Variants in RPTOR observed in about 807,000 individuals in gnomAD.
The protein encoded by RPTOR is regulatory-associated protein of mTOR.
Under a neutral mutation model 169.9 loss-of-function variants are expected in RPTOR, and 21 were observed. That is an observed-to-expected ratio of 0.12 (90% CI 0.09 to 0.18). The LOEUF (loss-of-function observed/expected upper bound fraction) is 0.18. Among genes scored for constraint, RPTOR ranks in the 10% least tolerant of loss-of-function variants. The pLI, the probability that RPTOR is intolerant of heterozygous loss-of-function variation, is 1.00. For missense variants in RPTOR, 1,133 were observed against 1,855.9 expected (o/e 0.61, Z 7.16); for synonymous variants, 732 against 753.2 (o/e 0.97, Z 0.46).
chr17:80,783,032 T>C (rs2066957280), intron 6 of RPTOR, among the ~76,000 whole-genome samples: 1 of 152,216 alleles, frequency 6.6e-6, no homozygotes, highest in South Asian at 2.1e-4. Flanking sequence ...TGGTTGATGC[T>C]CATAAGCGTT....
chr17:80,961,464 C>T lies in RPTOR; in HGVS notation c.3676C>T (p.His1226Tyr). The stretch of plus-strand genomic sequence containing the variant: ...CTCCCTGCAGAAGCGTCCCGACGGC[C>T]ACATCGTGAGTGTGAGGTGAGGAGC... ...KASLQKRPDGHIVSVSVNGDV... is the reference protein window; with the variant it reads ...KASLQKRPDGYIVSVSVNGDV... Residue 1226 changes from histidine (H) to tyrosine (Y), a missense_variant, in exon 31 of 34, where the codon CAC (histidine) becomes TAC (tyrosine). By Grantham distance (83) the His-to-Tyr change is moderately conservative (BLOSUM62 2). Coordinates refer to ENST00000306801, the MANE Select transcript of RPTOR (RefSeq NM_020761.3). 1 of 1,550,936 alleles carries T rather than the reference C, an allele frequency of 6.4e-7. No homozygotes were observed. The highest frequency in any genetic ancestry group is 8.7e-7 in the Non-Finnish European group (1 of 1,147,402).
intron 24 of RPTOR, 192 bp from the exon 25 acceptor site, chr17:80,940,304 G>T (rs1447405513): frequency 7.6e-6 from 4 of 526,258 alleles, no homozygotes; most frequent in Non-Finnish European, 1.3e-5. Flanking sequence ...GGTATGGCGG[G>T]CAAGCTAGCG....
At chr17:80,610,972 C>T (rs924174931) in intron 1 of RPTOR, among the ~76,000 whole-genome samples, 1 of 152,150 alleles carries the variant, frequency 6.6e-6, no homozygotes, top group African/African-American at 2.4e-5. Context: ...TCGATCTTGT[C>T]CTTTCTTGGA....
chr17:80,636,426 C>T (rs565968012), intron 2 of RPTOR, among the ~76,000 whole-genome samples: 1 of 152,262 alleles, frequency 6.6e-6, no homozygotes, highest in East Asian at 1.9e-4. Context: ...TCACGCAGTT[C>T]TGGAGGCTGA....
At chr17:80,780,920 A>G (rs139276102) in intron 6 of RPTOR, among the ~76,000 whole-genome samples, 5 of 152,314 alleles carry the variant, frequency 3.3e-5, no homozygotes, top group South Asian at 2.1e-4. Context: ...TGTCAGGGGT[A>G]CACACTTGTG....
intron 3 of RPTOR, among the ~76,000 whole-genome samples, chr17:80,703,933 A>G (rs564966082): frequency 3.9e-4 from 60 of 152,368 alleles, no homozygotes; most frequent in African/African-American, 1.3e-3. Flanking sequence ...TGATTCAGAG[A>G]AAAACCTAAA....
At chr17:80,775,301 C>T (rs992884931) in intron 6 of RPTOR, among the ~76,000 whole-genome samples, 9 of 152,254 alleles carry the variant, frequency 5.9e-5, no homozygotes, top group Non-Finnish European at 1.2e-4. Context: ...GAACAGGTAG[C>T]GGTCTTGTTA....
At chr17:80,835,864 A>T (rs1388704724) in intron 9 of RPTOR, among the ~76,000 whole-genome samples, 1 of 152,184 alleles carries the variant, frequency 6.6e-6, no homozygotes, top group African/African-American at 2.4e-5. Context: ...GTATCCGCGG[A>T]GATCAAGACT....
chr17:80,554,017 C>T (rs2084376653), intron 1 of RPTOR, among the ~76,000 whole-genome samples: 1 of 152,142 alleles, frequency 6.6e-6, no homozygotes, highest in Non-Finnish European at 1.5e-5. Flanking sequence ...GCTGGGATTA[C>T]AGGGGTCAGC....
At chr17:80,962,067 C>T (rs376400628) in intron 31 of RPTOR, among the ~76,000 whole-genome samples, 10 of 152,310 alleles carry the variant, frequency 6.6e-5, no homozygotes, top group African/African-American at 1.9e-4. Context: ...ATCCCTCTCT[C>T]GGGCCACAGC....
At chr17:80,831,139 A>C (rs2067499385) in intron 9 of RPTOR, among the ~76,000 whole-genome samples, 1 of 152,182 alleles carries the variant, frequency 6.6e-6, no homozygotes, top group Non-Finnish European at 1.5e-5. Context: ...AATGCGCTAC[A>C]CAATTAAGGT....
chr17:80,597,856 C>T (rs936548995), intron 1 of RPTOR, among the ~76,000 whole-genome samples: 11 of 151,834 alleles, frequency 7.2e-5, no homozygotes, highest in African/African-American at 2.7e-4. Flanking sequence ...AAAGATTCAT[C>T]TGACTGTATG....
At chr17:80,732,356 G>A (rs965698792) in intron 5 of RPTOR, among the ~76,000 whole-genome samples, 4 of 152,134 alleles carry the variant, frequency 2.6e-5, no homozygotes, top group African/African-American at 9.7e-5. Flanking sequence ...TCCAGCTCAT[G>A]CATAATACCA....
intron 9 of RPTOR, among the ~76,000 whole-genome samples, chr17:80,836,816 G>A (rs1444473584): frequency 6.6e-6 from 1 of 152,230 alleles, no homozygotes; most frequent in African/African-American, 2.4e-5. Context: ...TGCCCCATAA[G>A]GCTGTTGCCT....
At chr17:80,829,783 C>T (rs2067483699) in intron 9 of RPTOR, among the ~76,000 whole-genome samples, 1 of 152,214 alleles carries the variant, frequency 6.6e-6, no homozygotes, top group Non-Finnish European at 1.5e-5. Context: ...ATATTTTCTG[C>T]AAGGTCTGAC....
At chr17:80,833,833 T>G (rs951218201) in intron 9 of RPTOR, among the ~76,000 whole-genome samples, 1 of 152,072 alleles carries the variant, frequency 6.6e-6, no homozygotes, top group African/African-American at 2.4e-5. Context: ...CTACTAAAAA[T>G]ACAAAAATTA....
At chr17:80,732,920 G>A (rs2066404342) in intron 5 of RPTOR, among the ~76,000 whole-genome samples, 1 of 152,164 alleles carries the variant, frequency 6.6e-6, no homozygotes, top group Admixed American at 6.5e-5. Flanking sequence ...TGTATAACAT[G>A]TGAGCTGAAA....
At chr17:80,635,758 T>A (rs1288061990) in intron 2 of RPTOR, among the ~76,000 whole-genome samples, 1 of 152,046 alleles carries the variant, frequency 6.6e-6, no homozygotes, top group African/African-American at 2.4e-5. Context: ...TGGTCAGCAT[T>A]GTCAAGGCTG....
chr17:80,660,618 G>A (rs548142525), intron 3 of RPTOR, among the ~76,000 whole-genome samples: 12 of 152,172 alleles, frequency 7.9e-5, no homozygotes, highest in Non-Finnish European at 4.4e-5. Context: ...TCCCTGCCCC[G>A]TTTCCCATTT....
Sources: allele counts gnomAD v4.1 joint callset (sites outside exome capture counted in the v4.1 genomes callset), GRCh38; gene constraint gnomAD v4.1.1; transcripts MANE v1.5; gene names NCBI Gene and HGNC (gene_info 2026-07-23, HGNC 2026-07-21).